Variants in TRDN observed in about 807,000 individuals in gnomAD.
The protein encoded by TRDN is triadin in skeletal muscle.
A neutral mutation model predicts 149.7 loss-of-function variants in TRDN; 161 were observed. The ratio of observed to expected loss-of-function variants is 1.08; its 90% confidence interval spans 0.95 to 1.23. The LOEUF is 1.23. TRDN is among the 50% of genes most tolerant of loss of function. TRDN has a pLI of 0.00. For synonymous variants in TRDN, 294 were observed against 250.5 expected, an observed-to-expected ratio of 1.17 and a Z score of -1.64; for missense variants, 896 against 823.5, an observed-to-expected ratio of 1.09 and a Z score of -1.08.
At chr6:123,401,768 G>A (rs183108849) in intron 12 of TRDN, among the ~76,000 whole-genome samples, 19 of 152,090 alleles carry the variant, frequency 1.2e-4, no homozygotes, top group Admixed American at 4.6e-4. Flanking sequence ...CCAACATGGT[G>A]AAACCCCATC....
chr6:123,280,652 C>CTTTTTTTTTT (rs34195939), intron 24 of TRDN, among the ~76,000 whole-genome samples: 2 of 135,516 alleles, frequency 1.5e-5, no homozygotes, highest in Admixed American at 7.6e-5. Flanking sequence ...TCTTTTCTTT[C>CTTTTTTTTTT]TTTTTTTTTT....
Position 123,536,687 on chromosome 6 carries a change from CAATAAATAAATA to C in TRDN, c.425-6134_425-6123del, listed in dbSNP as rs143950900. Among the ~76,000 whole-genome samples the C allele has an allele frequency of 3.7e-3, 480 of 129,886 alleles. 3 individuals are homozygous for C. Among genetic ancestry groups the C allele is most frequent in the African/African-American group, 7.1e-3 (245 of 34,440 alleles). The allele number at this position is 129,886 out of a possible 152,430, so 85.2% of individuals were successfully genotyped here. On this transcript the variant is annotated intron_variant, in intron 4 of 40. Coordinates refer to ENST00000334268, the MANE Select transcript of TRDN (RefSeq NM_006073.4). ...GCAACAGGGTGAAACTCCATCTCTA[CAATAAATAAATA>C]AATAAATAAATAAATAAATAAATAA...
intron 23 of TRDN, 63 bp downstream of exon 23, chr6:123,331,816 G>C (rs1429941782): frequency 5.5e-6 from 6 of 1,098,794 alleles, no homozygotes; most frequent in Non-Finnish European, 6.4e-6. Flanking sequence ...TTACTTTGTT[G>C]CAAATAACTG....
At chr6:123,567,655 C>T (rs1200733766) in intron 2 of TRDN, among the ~76,000 whole-genome samples, 2 of 152,022 alleles carry the variant, frequency 1.3e-5, no homozygotes, top group African/African-American at 2.4e-5. Flanking sequence ...GGAGGTGCCA[C>T]ACACTTAAAA....
At chr6:123,354,902 AT>A (rs1404075859) in intron 20 of TRDN, among the ~76,000 whole-genome samples, 1 of 151,686 alleles carries the variant, frequency 6.6e-6, no homozygotes, top group Non-Finnish European at 1.5e-5. Flanking sequence ...TAACAATAAA[AT>A]AAAATAAATA....
chr6:123,591,599 C>T (rs9482413), intron 1 of TRDN, among the ~76,000 whole-genome samples: 4,436 of 152,198 alleles, frequency 0.029, 191 homozygotes, highest in African/African-American at 0.099. Flanking sequence ...GATAGTTTTG[C>T]CCAAACCTCT....
At chr6:123,301,578 C>A (rs189761210) in intron 24 of TRDN, among the ~76,000 whole-genome samples, 1 of 151,332 alleles carries the variant, frequency 6.6e-6, no homozygotes, top group Non-Finnish European at 1.5e-5. Context: ...TGATTGATTG[C>A]TCCACCAATA....
chr6:123,311,641 G>C (rs556472023), intron 24 of TRDN, among the ~76,000 whole-genome samples: 101 of 152,044 alleles, frequency 6.6e-4, no homozygotes, highest in African/African-American at 2.3e-3. Flanking sequence ...GAACTTTTAA[G>C]GGTCGTTAAA....
intron 26 of TRDN, among the ~76,000 whole-genome samples, chr6:123,275,987 T>C (rs1328996486): frequency 6.6e-6 from 1 of 152,146 alleles, no homozygotes; most frequent in Non-Finnish European, 1.5e-5. Context: ...GCCTTGTTAC[T>C]GTGTCCTTCA....
intron 24 of TRDN, among the ~76,000 whole-genome samples, chr6:123,304,781 T>C (rs188539993): frequency 6.6e-6 from 1 of 152,190 alleles, no homozygotes; most frequent in Non-Finnish European, 1.5e-5. Flanking sequence ...AAACTGCTAA[T>C]AGAGATCAAG....
intron 10 of TRDN, among the ~76,000 whole-genome samples, chr6:123,443,283 A>C (rs1453970393): frequency 6.6e-6 from 1 of 151,102 alleles, no homozygotes; most frequent in East Asian, 1.9e-4. Context: ...TTAGGAAAAA[A>C]AAAAAGAAAG....
At chr6:123,350,430 A>C (rs1780418570) in intron 21 of TRDN, 1 of 602,888 alleles carries the variant, frequency 1.7e-6, no homozygotes, top group Non-Finnish European at 2.1e-6. Context: ...CAAATAAATA[A>C]AATAAATATT....
chr6:123,425,261 GTGTGTGTGTGTGTGTGTA>G (rs888202427), intron 12 of TRDN, among the ~76,000 whole-genome samples: 2 of 138,494 alleles, frequency 1.4e-5, no homozygotes, highest in African/African-American at 5.0e-5. Flanking sequence ...GTGTGTGTGT[GTGTGTGTGTGTGTGTGTA>G]TGTGTAGATG....
intron 15 of TRDN, 77 bp downstream of exon 15, chr6:123,382,037 TTCTA>T: frequency 9.4e-7 from 1 of 1,061,520 alleles, no homozygotes; most frequent in Non-Finnish European, 1.3e-6. Flanking sequence ...TAATTCTTTC[TTCTA>T]CATCAATCCT....
chr6:123,526,836 T>G (rs145233946), intron 5 of TRDN, among the ~76,000 whole-genome samples: 1 of 151,858 alleles, frequency 6.6e-6, no homozygotes, highest in African/African-American at 2.4e-5. Flanking sequence ...ATACTAAAGA[T>G]AGAGAAAAAA....
intron 40 of TRDN, among the ~76,000 whole-genome samples, chr6:123,220,367 A>G (rs1158736093): frequency 6.6e-6 from 1 of 151,930 alleles, no homozygotes; most frequent in African/African-American, 2.4e-5. Context: ...TATTTAAAAT[A>G]TATGAGATTT....
At chr6:123,600,071 T>G (rs1382849304) in intron 1 of TRDN, among the ~76,000 whole-genome samples, 1 of 152,086 alleles carries the variant, frequency 6.6e-6, no homozygotes, top group African/African-American at 2.4e-5. Context: ...TGACTGGCAC[T>G]AAGCAAATGT....
chr6:123,220,336 A>T (rs1775101446), intron 40 of TRDN, among the ~76,000 whole-genome samples: 1 of 151,888 alleles, frequency 6.6e-6, no homozygotes, highest in African/African-American at 2.4e-5. Flanking sequence ...CACCTGTCTC[A>T]TTGAATTATA....
chr6:123,395,193 CA>C lies in TRDN; in HGVS notation c.1052-1517del, dbSNP rs536574335. Among the ~76,000 whole-genome samples, 25 of 152,104 alleles carry C rather than the reference CA, an allele frequency of 1.6e-4. No individual in the cohort carries two copies. In the South Asian group the frequency reaches 5.2e-3, roughly 32 times the overall value. On this transcript the variant is annotated intron_variant, in intron 12 of 40. Coordinates refer to ENST00000334268, the MANE Select transcript of TRDN (RefSeq NM_006073.4). ...AGAAATATTTGCAAAAATTTGCAGC[CA>C]ATTTTCCTCTTATCTTCTCCTTTTT...
Sources: gnomAD v4.1 joint callset for allele counts (sites outside exome capture counted in the v4.1 genomes callset) on GRCh38, gnomAD v4.1.1 for gene constraint, MANE v1.5 for transcripts, NCBI Gene and HGNC (gene_info 2026-07-23, HGNC 2026-07-21) for gene names.